Variants in VAT1 observed in about 807,000 individuals in gnomAD.
VAT1 encodes the protein vesicle amine transport 1, also known as NADPH-dependent quinone oxidoreductase VAT1.
In VAT1, 24 loss-of-function variants were observed where a neutral mutation model predicts 33.3. That is an observed-to-expected ratio of 0.72 (90% confidence interval 0.52 to 1.01). VAT1 has a LOEUF of 1.01. Ranked by LOEUF, VAT1 falls within the 50% of genes least tolerant of loss-of-function variation. The probability of loss-of-function intolerance (pLI) is 0.00; values close to 1 mark genes in which losing one functional copy is unlikely to be tolerated. For synonymous variants in VAT1, 212 were observed against 225.0 expected (o/e 0.94, Z 0.52); for missense variants, 436 against 533.7 (o/e 0.82, Z 1.80).
At position 43,021,964 on chromosome 17, in the gene VAT1, G is replaced by A. The variant is rs780046608; in HGVS notation, c.359C>T (p.Ala120Val). 25 of 1,611,002 alleles carry A rather than the reference G, an allele frequency of 1.6e-5. No homozygotes were observed. Among genetic ancestry groups the A allele is most frequent in the Non-Finnish European group, 2.0e-5 (24 of 1,179,720 alleles). ...GCGGTCGCTGACTCCCTCGCCCACT[G>A]CGATCACAACACCCGCGCCCTCCAT... ...PGMEGAGVVI[A>V]VGEGVSDRKA... Residue 120 changes from alanine (A) to valine (V), a missense_variant, in exon 1 of 6, where the codon GCA (alanine) becomes GTA (valine). Around this residue, in one of 2 missense-constraint regions of VAT1, gnomAD observed 282 missense variants for 405.4 expected, o/e 0.70. Transcript: ENST00000355653.
At position 43,015,793 on chromosome 17, in the gene VAT1, G is replaced by A. The variant is rs958231781; in HGVS notation, c.*268C>T. On this transcript the variant is annotated 3_prime_UTR_variant, in exon 6 of 6. Coordinates refer to ENST00000355653, the MANE Select transcript of VAT1 (RefSeq NM_006373.4). Reference sequence around the variant, plus strand: ...ACAAAAGCAGCACAGCAGGCCCGGGGAAAGGGTGGGGGCAGGAAGCAGCCG... The same window carrying A: ...ACAAAAGCAGCACAGCAGGCCCGGGAAAAGGGTGGGGGCAGGAAGCAGCCG... 1 of 538,336 alleles carries A rather than the reference G, an allele frequency of 1.9e-6. No homozygotes were observed. Among genetic ancestry groups the A allele is most frequent in the Non-Finnish European group, 3.3e-6 (1 of 301,150 alleles). 33.3% of individuals were successfully genotyped at this position (538,336 alleles called of 1,614,324 possible). A position where few individuals can be genotyped will look rare whatever the true frequency, so the allele number is the denominator to read the frequency against.
In VAT1 at chr17:43,018,695, C is replaced by T. The variant is rs376073754; in HGVS notation, c.492G>A (p.Glu164=). 1.9e-5 allele frequency: 30 copies of T among 1,614,186 alleles called. No homozygotes were observed. Among genetic ancestry groups the T allele is most frequent in the Non-Finnish European group, 2.5e-5 (30 of 1,180,032 alleles). The change falls in exon 2 of 6, where the codon GAG becomes GAA. Residue 164 remains glutamate (E), a synonymous_variant. Coordinates refer to ENST00000355653, the MANE Select transcript of VAT1 (RefSeq NM_006373.4). ...AATTGACGAGCAAGGCAGCAGCTTC[C>T]TCAAAGGTCATGGCCTCAGGAATCA... is the stretch of plus-strand genomic sequence containing the variant. ...TFLIPEAMTF[E]EAAALLVNYI... is the part of the protein sequence containing the mutation.
Position 43,016,085 on chromosome 17 carries a change from A to G in VAT1, c.1158T>C (p.Val386=), listed in dbSNP as rs772653150. The G allele has an allele frequency of 1.2e-5, 19 of 1,614,152 alleles. No homozygotes were observed. Among genetic ancestry groups the G allele is most frequent in the Non-Finnish European group, 1.6e-5 (19 of 1,180,016 alleles). ...CCTAGTTCTCCTTCTCTGGCCCTGG[A>G]ACCAGGAGGACCTTGCCCACATTCT... ...EKKNVGKVLL[V]PGPEKEN Residue 386 remains valine, a synonymous_variant, in exon 6 of 6, where the codon GTT becomes GTC. Coordinates refer to ENST00000355653, the MANE Select transcript of VAT1 (RefSeq NM_006373.4).
At chr17:43,018,280 G>T in intron 2 of VAT1, 74 bp from the exon 3 acceptor site, 1 of 1,508,160 alleles carries the variant, frequency 6.6e-7, no homozygotes, top group Middle Eastern at 2.5e-4. Context: ...AGCCTCCCAG[G>T]GACTCAGCCT....
chr17:43,016,397 C>A lies in VAT1; in HGVS notation c.1008G>T (p.Glu336Asp). 5 of 1,613,942 alleles carry A rather than the reference C, an allele frequency of 3.1e-6. No individual in the cohort carries two copies. Among genetic ancestry groups the A allele is most frequent in the Non-Finnish European group, 4.2e-6 (5 of 1,180,050 alleles). ...GGCGGGCCACCACACCACTGACCAG[C>A]TCCACCTCACCATCCAGGTAGCCCA... is the stretch of plus-strand genomic sequence containing the variant. ...FHLGYLDGEV[E>D]LVSGVVARLL... The change falls in exon 5 of 6, where the codon GAG becomes GAT. Residue 336 changes from glutamate to aspartate, a missense_variant. Transcript: ENST00000355653.
rs2050575017 is a variant in VAT1, at chr17:43,022,103, G to C, written c.220C>G (p.Pro74Ala). The change falls in exon 1 of 6, where the codon CCT (proline) becomes GCT (alanine). Residue 74 changes from proline (P) to alanine (A), a missense_variant. Around this residue, in one of 2 missense-constraint regions of VAT1, gnomAD observed 154 missense variants for 128.3 expected, o/e 1.20. Transcript: ENST00000355653. ...CGCAGCGTCAGCTGGCCGGGCCCAG[G>C]GGCCGGGGGCGCTGCCGGCCGGCTC... ...LQSRPAAPPA[P>A]GPGQLTLRLR... 6.3e-7 allele frequency: 1 copy of C among 1,574,882 alleles called. No homozygotes were observed. The highest frequency in any genetic ancestry group is 8.6e-7 in the Non-Finnish European group (1 of 1,161,178).
At chr17:43,016,971 C>A (rs2050525608) in intron 4 of VAT1, among the ~76,000 whole-genome samples, 1 of 148,824 alleles carries the variant, frequency 6.7e-6, no homozygotes, top group African/African-American at 2.5e-5. Context: ...TCGAGACCAG[C>A]GTGACCAACA....
At chr17:43,019,046 A>C in intron 1 of VAT1, 1 of 544,448 alleles carries the variant, frequency 1.8e-6, no homozygotes. Flanking sequence ...TAACCCTTAC[A>C]TCAGTTCTTT....
Position 43,015,645 on chromosome 17 carries a change from T to C in VAT1, c.*416A>G. The C allele has an allele frequency of 4.2e-6, 1 of 238,612 alleles. No homozygotes were observed. Among genetic ancestry groups the C allele is most frequent in the Non-Finnish European group, 8.3e-6 (1 of 120,780 alleles). The allele number at this position is 238,612 out of a possible 1,614,324, so 14.8% of individuals were successfully genotyped here. A position where few individuals can be genotyped will look rare whatever the true frequency, so the allele number is the denominator to read the frequency against. On this transcript the variant is annotated 3_prime_UTR_variant, in exon 6 of 6. Coordinates refer to ENST00000355653, the MANE Select transcript of VAT1 (RefSeq NM_006373.4). Reference sequence around the variant, plus strand: ...AGGTACATGCTGGACTCACAGAGATTGGCCCCATATCCTGAGCTGACGTTT... The same window carrying C: ...AGGTACATGCTGGACTCACAGAGATCGGCCCCATATCCTGAGCTGACGTTT...
chr17:43,018,307 C>T (rs2050538414), intron 2 of VAT1, 101 bp from the exon 3 acceptor site: 4 of 1,385,968 alleles, frequency 2.9e-6, no homozygotes, highest in Non-Finnish European at 3.9e-6. Context: ...TTCATTTTGC[C>T]TACGCTCATT....
rs747447388 is a variant in VAT1 at position 43,016,280 on chromosome 17, C to T, written c.1098+27G>A. 16 of 1,606,732 alleles carry T rather than the reference C, an allele frequency of 1.0e-5. No individual in the cohort carries two copies. In the East Asian group the frequency reaches 3.6e-4, roughly 36 times the overall value. ...CCAGCCTTCATGAGTCCTACCCAAG[C>T]CCTCCCTGCAAAGTCCTCACATTCA... is the stretch of plus-strand genomic sequence containing the variant. On this transcript the variant is annotated intron_variant, in intron 5 of 5. Transcript: ENST00000355653.
At chr17:43,021,731 G>C (rs543809728) in intron 1 of VAT1, among the ~76,000 whole-genome samples, 1 of 152,144 alleles carries the variant, frequency 6.6e-6, no homozygotes, top group Non-Finnish European at 1.5e-5. Flanking sequence ...GTTGGGGAAG[G>C]GGCGATAATT....
chr17:43,016,800 T>A (rs2050524156), intron 4 of VAT1, among the ~76,000 whole-genome samples: 1 of 152,030 alleles, frequency 6.6e-6, no homozygotes, highest in South Asian at 2.1e-4. Flanking sequence ...GGGGGATCAC[T>A]TGAGGTCAGG....
At chr17:43,021,013 T>C (rs535104561) in intron 1 of VAT1, among the ~76,000 whole-genome samples, 1 of 151,856 alleles carries the variant, frequency 6.6e-6, no homozygotes, top group East Asian at 1.9e-4. Context: ...CCAAGATTAA[T>C]GATAAATGAG....
intron 1 of VAT1, among the ~76,000 whole-genome samples, chr17:43,019,759 C>A (rs145310064): frequency 6.6e-6 from 1 of 152,150 alleles, no homozygotes; most frequent in Non-Finnish European, 1.5e-5. Flanking sequence ...GACTTCTCTG[C>A]GCTCTCTGAA....
chr17:43,019,904 C>T (rs1357489896), intron 1 of VAT1, among the ~76,000 whole-genome samples: 1 of 152,032 alleles, frequency 6.6e-6, no homozygotes, highest in Non-Finnish European at 1.5e-5. Flanking sequence ...CTGCCACTTA[C>T]GCCCTTTTTC....
chr17:43,018,809 C>T lies in VAT1; in HGVS notation c.388-10G>A, dbSNP rs1269586079. On this transcript the variant is annotated splice_polypyrimidine_tract_variant and intron_variant, in intron 1 of 5. Transcript: ENST00000355653. ...TCACCCGGTCTCCTGCCTTGAAGAA[C>T]AGAAGAGTATCATTCAGTCACTCAT... 1.2e-6 allele frequency: 2 copies of T among 1,613,996 alleles called. No individual in the cohort carries two copies. The highest frequency in any genetic ancestry group is 1.7e-6 in the Non-Finnish European group (2 of 1,180,020).
At position 43,021,977 on chromosome 17, in the gene VAT1, C is replaced by T; in HGVS notation, c.346G>A (p.Gly116Ser). Residue 116 changes from glycine to serine, a missense_variant, in exon 1 of 6, where the codon GGT becomes AGT. Around this residue, in one of 2 missense-constraint regions of VAT1, gnomAD observed 282 missense variants for 405.4 expected, o/e 0.70. Transcript: ENST00000355653. ...LPVTPGMEGA[G>S]VVIAVGEGVS... is the part of the protein sequence containing the mutation. ...CCCTCGCCCACTGCGATCACAACAC[C>T]CGCGCCCTCCATGCCCGGAGTGACA... 1.2e-6 allele frequency: 2 copies of T among 1,611,090 alleles called. No homozygotes were observed. The highest frequency in any genetic ancestry group is 2.2e-5 in the East Asian group (1 of 44,854).
rs775854870 is a variant in VAT1 at position 43,018,095 on chromosome 17, T to A, written c.707A>T (p.His236Leu). 3 of 1,614,106 alleles carry A rather than the reference T, an allele frequency of 1.9e-6. No homozygotes were observed. The Admixed American group carries it at 5.0e-5, about 27-fold the overall frequency. ...HEALKENGVT[H>L]PIDYHTTDYV... ...GTCAGTCGTGTGATAGTCGATGGGA[T>A]GTGTGACCCCATTCTCCTTCAGTGC... Residue 236 changes from histidine (H) to leucine (L), a missense_variant, in exon 3 of 6, where the codon CAT becomes CTT. This residue lies in a region of VAT1 where 282 missense variants were observed against 405.4 expected (regional missense o/e 0.70). Coordinates refer to ENST00000355653, the MANE Select transcript of VAT1 (RefSeq NM_006373.4).
Sources: gnomAD v4.1 joint callset for allele counts (sites outside exome capture counted in the v4.1 genomes callset) on GRCh38, gnomAD v4.1.1 for gene constraint, gnomAD v4.1.1 regional missense constraint, MANE v1.5 for transcripts, NCBI Gene and HGNC (gene_info 2026-07-23, HGNC 2026-07-21) for gene names.